NDUFS1: variants seen among roughly 807,000 people sequenced by gnomAD.
The protein encoded by NDUFS1 is NADH:ubiquinone oxidoreductase core subunit S1, also known as NADH-ubiquinone oxidoreductase 75 kDa subunit, mitochondrial.
Under a neutral mutation model 84.4 loss-of-function variants are expected in NDUFS1, and 61 were observed. That is an observed-to-expected ratio of 0.72 (90% CI 0.59 to 0.89). NDUFS1 has a LOEUF of 0.89. Among genes scored for constraint, NDUFS1 ranks in the 40% least tolerant of loss-of-function variants. NDUFS1 has a pLI of 0.00. For synonymous variants in NDUFS1, 275 were observed against 290.0 expected, an observed-to-expected ratio of 0.95 and a Z score of 0.53; for missense variants, 891 against 890.0, an observed-to-expected ratio of 1.00 and a Z score of -0.01.
intron 9 of NDUFS1, 147 bp from the exon 10 acceptor site, chr2:206,144,279 A>T: frequency 1.6e-6 from 1 of 644,952 alleles, no homozygotes; most frequent in Non-Finnish European, 2.7e-6. Flanking sequence ...ATTATTCCAG[A>T]TATTTTTAGA....
chr2:206,117,862 T>G lies in NDUFS1; in HGVS notation c.*6323A>C, dbSNP rs1435496927. The stretch of plus-strand genomic sequence containing the variant: ...AAAATGCAGGTATAATACTAAAATT[T>G]TTTTTTGTATAGTCCTTTACAGATC... On this transcript the variant is annotated 3_prime_UTR_variant, in exon 19 of 19. Coordinates refer to ENST00000233190, the MANE Select transcript of NDUFS1 (RefSeq NM_005006.7). 1 of 152,198 alleles carries G rather than the reference T, an allele frequency of 6.6e-6. No homozygotes were observed. Among genetic ancestry groups the G allele is most frequent in the African/African-American group, 2.4e-5 (1 of 41,462 alleles). 9.4% of individuals were successfully genotyped at this position (152,198 alleles called of 1,614,324 possible). A position where few individuals can be genotyped will look rare whatever the true frequency, so the allele number is the denominator to read the frequency against.
At chr2:206,158,788 G>A (rs1445366379) in intron 1 of NDUFS1, among the ~76,000 whole-genome samples, 1 of 152,186 alleles carries the variant, frequency 6.6e-6, no homozygotes, top group East Asian at 1.9e-4. Flanking sequence ...ATGCAATCCT[G>A]GGCTAACTTT....
chr2:206,156,687 T>C (rs1469015628), intron 1 of NDUFS1, among the ~76,000 whole-genome samples: 1 of 152,210 alleles, frequency 6.6e-6, no homozygotes, highest in Admixed American at 6.5e-5. Flanking sequence ...ATACATAGGT[T>C]TTAAGCACAA....
intron 16 of NDUFS1, 57 bp downstream of exon 16, chr2:206,127,740 C>G: frequency 6.4e-7 from 1 of 1,570,192 alleles, no homozygotes. Context: ...TTCTAACAGG[C>G]TAAAATATCA....
rs571223950 is a variant in NDUFS1, at chr2:206,141,352, G to A, written c.1262+589C>T. ...AAGGTCAGGAGATCGAGACCACGGT[G>A]AAACCCCGTCTCTACTAAAAATACA... On this transcript the variant is annotated intron_variant, in intron 12 of 18. Coordinates refer to ENST00000233190, the MANE Select transcript of NDUFS1 (RefSeq NM_005006.7). Among the ~76,000 whole-genome samples the A allele has an allele frequency of 1.1e-4, 17 of 151,370 alleles. No homozygotes were observed. In the South Asian group the frequency reaches 3.5e-3, roughly 32 times the overall value.
chr2:206,132,701 A>G (rs1451683464), intron 14 of NDUFS1, among the ~76,000 whole-genome samples: 2 of 152,208 alleles, frequency 1.3e-5, no homozygotes, highest in Non-Finnish European at 2.9e-5. Context: ...AGGTGTAACT[A>G]ATATAACAAT....
intron 12 of NDUFS1, among the ~76,000 whole-genome samples, chr2:206,140,043 G>A (rs1691875938): frequency 6.6e-6 from 1 of 151,916 alleles, no homozygotes; most frequent in Admixed American, 6.6e-5. Context: ...AAATAATATT[G>A]TATCAAAACT....
At chr2:206,152,540 C>T (rs370592917) in intron 2 of NDUFS1, 30 bp from the exon 3 acceptor site, 2 of 1,577,002 alleles carry the variant, frequency 1.3e-6, no homozygotes, top group African/African-American at 2.7e-5. Flanking sequence ...AAGCGAAAAA[C>T]AGATTAACAG....
chr2:206,126,520 C>T lies in NDUFS1; in HGVS notation c.2092+19G>A, dbSNP rs1691297964. 1 of 1,611,146 alleles carries T rather than the reference C, an allele frequency of 6.2e-7. No individual in the cohort carries two copies. Among genetic ancestry groups the T allele is most frequent in the Non-Finnish European group, 8.5e-7 (1 of 1,177,612 alleles). ...TCTTACCTTTCGTATTTGGCAGAGT[C>T]ATGTTGACAATTACATACCTGTCAT... is the stretch of plus-strand genomic sequence containing the variant. On this transcript the variant is annotated intron_variant, in intron 18 of 18. Transcript: ENST00000233190.
intron 1 of NDUFS1, 112 bp downstream of exon 1, chr2:206,159,229 C>A (rs1008622779): frequency 1.6e-6 from 2 of 1,283,916 alleles, no homozygotes; most frequent in African/African-American, 2.9e-5. Context: ...GGAGGCGGCG[C>A]CCAGTCAAGG....
chr2:206,118,639 G>A lies in NDUFS1; in HGVS notation c.*5546C>T, dbSNP rs1191608173. 6.6e-6 allele frequency: 1 copy of A among 151,266 alleles called. No individual in the cohort carries two copies. The highest frequency in any genetic ancestry group is 1.5e-5 in the Non-Finnish European group (1 of 67,882). The allele number at this position is 151,266 out of a possible 1,614,324, so 9.4% of individuals were successfully genotyped here. On this transcript the variant is annotated 3_prime_UTR_variant, in exon 19 of 19. Coordinates refer to ENST00000233190, the MANE Select transcript of NDUFS1 (RefSeq NM_005006.7). The stretch of plus-strand genomic sequence containing the variant: ...AGCCAGAATCTTATTAGGGAATTCT[G>A]ACATCTTCATCTTTTTATAAAAGAT...
At chr2:206,156,976 G>A (rs1687680191) in intron 1 of NDUFS1, among the ~76,000 whole-genome samples, 1 of 152,178 alleles carries the variant, frequency 6.6e-6, no homozygotes, top group African/African-American at 2.4e-5. Context: ...TGTGTGTTTT[G>A]AGACAGAGTC....
Position 206,149,000 on chromosome 2 carries a change from A to C in NDUFS1, c.338+20T>G. The stretch of plus-strand genomic sequence containing the variant: ...TTTCTGCTTTATGAAAGGGTACTAC[A>C]TTGAATAACAATAAAGTACCTGGCT... On this transcript the variant is annotated intron_variant, in intron 5 of 18. Coordinates refer to ENST00000233190, the MANE Select transcript of NDUFS1 (RefSeq NM_005006.7). 1.3e-6 allele frequency: 2 copies of C among 1,568,334 alleles called. No homozygotes were observed. The highest frequency in any genetic ancestry group is 2.2e-5 in the South Asian group (2 of 90,048).
At chr2:206,159,249 G>C (rs1021047456) in intron 1 of NDUFS1, 92 bp downstream of exon 1, 1 of 1,017,260 alleles carries the variant, frequency 9.8e-7, no homozygotes, top group Non-Finnish European at 1.5e-6. Flanking sequence ...GACAACAGAA[G>C]ACTACGTCGC....
At chr2:206,144,774 A>G (rs1692093670) in intron 9 of NDUFS1, 118 bp downstream of exon 9, 1 of 1,040,240 alleles carries the variant, frequency 9.6e-7, no homozygotes, top group Non-Finnish European at 1.4e-6. Flanking sequence ...AGCAACTCAG[A>G]TTCCAGTAGT....
chr2:206,152,176 G>T (rs1692395554), intron 3 of NDUFS1, among the ~76,000 whole-genome samples: 1 of 152,072 alleles, frequency 6.6e-6, no homozygotes, highest in Non-Finnish European at 1.5e-5. Context: ...ATTTCTTAAT[G>T]GGTATTCATT....
At chr2:206,126,031 A>G (rs997274707) in intron 18 of NDUFS1, among the ~76,000 whole-genome samples, 2 of 152,354 alleles carry the variant, frequency 1.3e-5, no homozygotes, top group South Asian at 4.1e-4. Context: ...TTAGATAGAA[A>G]ATTAGTCAAA....
At position 206,144,885 on chromosome 2, in the gene NDUFS1, C is replaced by T. The variant is rs946246891; in HGVS notation, c.872+7G>A. 3.7e-6 allele frequency: 6 copies of T among 1,613,376 alleles called. No individual in the cohort carries two copies. Among genetic ancestry groups the T allele is most frequent in the Admixed American group, 1.7e-5 (1 of 59,980 alleles). On this transcript the variant is annotated splice_region_variant and intron_variant, in intron 9 of 18. Transcript: ENST00000233190. ...GTAAAAGTTAAGGAAAACAATATAG[C>T]ATATACCTGGTTTTATCAGAGATCC... is the stretch of plus-strand genomic sequence containing the variant.
intron 8 of NDUFS1, 88 bp from the exon 9 acceptor site, chr2:206,145,114 A>C (rs1184803041): frequency 7.8e-7 from 1 of 1,274,876 alleles, no homozygotes; most frequent in Non-Finnish European, 1.1e-6. Context: ...TTTTTTTACA[A>C]TTAATTCCCT....
Sources: allele counts gnomAD v4.1 joint callset (sites outside exome capture counted in the v4.1 genomes callset), GRCh38; gene constraint gnomAD v4.1.1; transcripts MANE v1.5; gene names NCBI Gene and HGNC (gene_info 2026-07-23, HGNC 2026-07-21).